The following EDIL3 variants were observed in gnomAD, a reference collection of about 807,000 sequenced individuals.
EDIL3 encodes EGF like and discoidin domains 3, also known as EGF-like repeat and discoidin I-like domain-containing protein 3.
EDIL3 carries 37 observed loss-of-function variants against 67.4 expected under a neutral mutation model. That is an observed-to-expected ratio of 0.55 (90% CI 0.42 to 0.72). EDIL3 has a LOEUF of 0.72. Among genes scored for constraint, EDIL3 ranks in the 30% least tolerant of loss-of-function variants. The pLI, the probability that EDIL3 is intolerant of heterozygous loss-of-function variation, is 0.00. For missense variants in EDIL3, 527 were observed against 586.3 expected (o/e 0.90, Z 1.04); for synonymous variants, 195 against 196.3 (o/e 0.99, Z 0.05).
chr5:84,109,020 T>C (rs983935349), intron 5 of EDIL3, among the ~76,000 whole-genome samples: 2 of 152,168 alleles, frequency 1.3e-5, no homozygotes, highest in African/African-American at 4.8e-5. Context: ...ATAATTCTAC[T>C]TCATTGTTTA....
At chr5:84,101,900 T>C (rs1747372564) in intron 6 of EDIL3, among the ~76,000 whole-genome samples, 1 of 151,936 alleles carries the variant, frequency 6.6e-6, no homozygotes, top group Non-Finnish European at 1.5e-5. Context: ...TTTTGATGAA[T>C]ATCAATTCAA....
intron 9 of EDIL3, among the ~76,000 whole-genome samples, chr5:83,983,742 C>CTT (rs550782079): frequency 0.081 from 10,241 of 126,834 alleles, 556 homozygotes; most frequent in African/African-American, 0.15. Flanking sequence ...CAGGGACTTT[C>CTT]TTTTTTTTTT....
At chr5:84,300,593 T>C (rs992016957) in intron 1 of EDIL3, among the ~76,000 whole-genome samples, 2 of 152,188 alleles carry the variant, frequency 1.3e-5, no homozygotes, top group African/African-American at 4.8e-5. Flanking sequence ...AAGTCAAACA[T>C]CTATAATAAG....
intron 1 of EDIL3, among the ~76,000 whole-genome samples, chr5:84,366,709 T>C (rs901364753): frequency 1.3e-4 from 20 of 152,122 alleles, no homozygotes; most frequent in African/African-American, 4.8e-4. Flanking sequence ...TACGAAAGAC[T>C]CTAGAAACAG....
chr5:84,219,394 C>T (rs1004433504), intron 3 of EDIL3, among the ~76,000 whole-genome samples: 1 of 152,070 alleles, frequency 6.6e-6, no homozygotes, highest in Admixed American at 6.6e-5. Flanking sequence ...TGAAAAGGTG[C>T]TCATAGCATT....
chr5:84,326,969 T>C (rs1746772719), intron 1 of EDIL3, among the ~76,000 whole-genome samples: 1 of 152,000 alleles, frequency 6.6e-6, no homozygotes, highest in Non-Finnish European at 1.5e-5. Context: ...TCTTTTTCCC[T>C]AGCTCTTTGA....
At chr5:84,305,873 G>A (rs955791998) in intron 1 of EDIL3, among the ~76,000 whole-genome samples, 1 of 148,832 alleles carries the variant, frequency 6.7e-6, no homozygotes, top group African/African-American at 2.5e-5. Flanking sequence ...AGCAAGACTT[G>A]GTCTTAAAAG....
chr5:84,257,619 T>C (rs546366538), intron 1 of EDIL3, among the ~76,000 whole-genome samples: 6 of 152,164 alleles, frequency 3.9e-5, no homozygotes, highest in Non-Finnish European at 8.8e-5. Flanking sequence ...TGAGTAGCCA[T>C]CCTTTATAAG....
At chr5:84,053,988 T>G (rs946475644) in intron 9 of EDIL3, among the ~76,000 whole-genome samples, 1 of 152,072 alleles carries the variant, frequency 6.6e-6, no homozygotes, top group South Asian at 2.1e-4. Flanking sequence ...TACCAAAGCC[T>G]GGCAGAGACA....
intron 1 of EDIL3, among the ~76,000 whole-genome samples, chr5:84,313,017 T>A (rs1288133415): frequency 6.6e-6 from 1 of 152,246 alleles, no homozygotes; most frequent in African/African-American, 2.4e-5. Context: ...ATTCTGGTCC[T>A]GCCATAAAAT....
At chr5:84,244,665 G>A (rs868245325) in intron 2 of EDIL3, among the ~76,000 whole-genome samples, 4 of 152,248 alleles carry the variant, frequency 2.6e-5, no homozygotes, top group Middle Eastern at 3.4e-3. Context: ...CTAGTAGTAT[G>A]AGGAAAGATG....
chr5:84,040,078 T>C (rs983791398), intron 9 of EDIL3, among the ~76,000 whole-genome samples: 20 of 152,164 alleles, frequency 1.3e-4, no homozygotes, highest in Non-Finnish European at 1.8e-4. Context: ...AATATTGAGA[T>C]AGTAACAGAT....
chr5:84,199,282 T>C (rs1743782063), intron 3 of EDIL3, among the ~76,000 whole-genome samples: 1 of 151,988 alleles, frequency 6.6e-6, no homozygotes, highest in Admixed American at 6.6e-5. Context: ...ACTAACTACT[T>C]ATGGATGCAG....
chr5:84,075,969 A>AT (rs1746849612), intron 6 of EDIL3, among the ~76,000 whole-genome samples: 1 of 148,270 alleles, frequency 6.7e-6, no homozygotes, highest in Non-Finnish European at 1.5e-5. Flanking sequence ...ATATATATAT[A>AT]AATATTTATC....
intron 9 of EDIL3, chr5:84,048,210 AT>A: frequency 2.3e-6 from 1 of 427,844 alleles, no homozygotes; most frequent in Non-Finnish European, 4.6e-6. Context: ...AATCCTTCAT[AT>A]TGACAAATGT....
intron 9 of EDIL3, among the ~76,000 whole-genome samples, chr5:83,975,944 T>C (rs1744870207): frequency 6.6e-6 from 1 of 151,908 alleles, no homozygotes; most frequent in East Asian, 1.9e-4. Context: ...TGACATGCCT[T>C]TCCAATTATG....
At chr5:84,311,578 T>A (rs1036677798) in intron 1 of EDIL3, among the ~76,000 whole-genome samples, 1 of 151,922 alleles carries the variant, frequency 6.6e-6, no homozygotes. Context: ...ATTTTTTTTT[T>A]ATTGATCATT....
chr5:84,039,109 T>TTG (rs1554064837), intron 9 of EDIL3, among the ~76,000 whole-genome samples: 1 of 100,654 alleles, frequency 9.9e-6, no homozygotes, highest in African/African-American at 9.9e-5. Context: ...AAAGACTGTG[T>TTG]TTTTTTTTTT....
At chr5:84,281,721 C>T (rs904324424) in intron 1 of EDIL3, among the ~76,000 whole-genome samples, 1 of 152,102 alleles carries the variant, frequency 6.6e-6, no homozygotes, top group Admixed American at 6.6e-5. Context: ...AAACTATAAC[C>T]CCAGGCAGTC....
Sources: gnomAD v4.1 joint callset for allele counts (sites outside exome capture counted in the v4.1 genomes callset) on GRCh38, gnomAD v4.1.1 for gene constraint, MANE v1.5 for transcripts, NCBI Gene and HGNC (gene_info 2026-07-23, HGNC 2026-07-21) for gene names.